AFF3: variants seen among roughly 807,000 people sequenced by gnomAD.
AFF3 encodes AF4/FMR2 family member 3.
Under a neutral mutation model 129.7 loss-of-function variants are expected in AFF3, and 32 were observed. That is an observed-to-expected ratio of 0.25 (90% confidence interval 0.19 to 0.33). AFF3 has a LOEUF of 0.33. Among genes scored for constraint, AFF3 ranks in the 10% least tolerant of loss-of-function variants. The probability of loss-of-function intolerance (pLI) is 1.00; values close to 1 mark genes in which losing one functional copy is unlikely to be tolerated. For synonymous variants in AFF3, 644 were observed against 635.4 expected, an observed-to-expected ratio of 1.01 and a Z score of -0.20; for missense variants, 1,373 against 1,592.0, an observed-to-expected ratio of 0.86 and a Z score of 2.34.
chr2:99,633,386 G>A (rs1044364702), intron 13 of AFF3, among the ~76,000 whole-genome samples: 3 of 152,160 alleles, frequency 2.0e-5, no homozygotes, highest in African/African-American at 7.2e-5. Context: ...GCCTGCTGGG[G>A]GATAGGGTGT....
intron 7 of AFF3, among the ~76,000 whole-genome samples, chr2:99,934,713 C>G (rs900624298): frequency 6.6e-6 from 1 of 152,228 alleles, no homozygotes; most frequent in African/African-American, 2.4e-5. Context: ...TGCTCAGCCC[C>G]TCACTCACAA....
intron 4 of AFF3, among the ~76,000 whole-genome samples, chr2:100,035,557 G>A (rs1302879718): frequency 6.6e-6 from 1 of 152,198 alleles, no homozygotes; most frequent in Non-Finnish European, 1.5e-5. Context: ...ACAAAGTATG[G>A]TGTAGCAGAA....
At chr2:99,591,943 G>C (rs1166677150) in intron 15 of AFF3, among the ~76,000 whole-genome samples, 2 of 152,182 alleles carry the variant, frequency 1.3e-5, no homozygotes, top group East Asian at 3.9e-4. Context: ...CATGTATAAA[G>C]TGCCTAGAGC....
intron 2 of AFF3, chr2:100,109,906 C>G (rs1691456717): frequency 6.6e-6 from 1 of 152,130 alleles, no homozygotes; most frequent in African/African-American, 2.4e-5. Flanking sequence ...CCTTAATTAT[C>G]TATAGCATTG....
intron 4 of AFF3, among the ~76,000 whole-genome samples, chr2:100,024,722 A>C (rs536369087): frequency 2.3e-4 from 35 of 152,252 alleles, no homozygotes; most frequent in African/African-American, 8.2e-4. Context: ...ACAATAGAAG[A>C]CTGTAGACAT....
At chr2:99,822,968 G>T (rs1687802743) in intron 8 of AFF3, among the ~76,000 whole-genome samples, 2 of 152,094 alleles carry the variant, frequency 1.3e-5, no homozygotes, top group South Asian at 2.1e-4. Context: ...TCACTGTCTG[G>T]ACAGAACCTG....
At chr2:99,988,953 T>C (rs1314012784) in intron 7 of AFF3, among the ~76,000 whole-genome samples, 1 of 152,184 alleles carries the variant, frequency 6.6e-6, no homozygotes, top group Non-Finnish European at 1.5e-5. Flanking sequence ...CAGGTGGTGA[T>C]TAAATGCAGA....
chr2:99,916,460 A>G (rs1194730316), intron 7 of AFF3, among the ~76,000 whole-genome samples: 2 of 152,146 alleles, frequency 1.3e-5, no homozygotes, highest in African/African-American at 2.4e-5. Context: ...GCAACACCTA[A>G]AACAGGACTT....
At chr2:99,651,961 G>C (rs904220626) in intron 12 of AFF3, among the ~76,000 whole-genome samples, 1 of 152,146 alleles carries the variant, frequency 6.6e-6, no homozygotes, top group East Asian at 1.9e-4. Context: ...TCCTTCCTAA[G>C]GTAGGAGCTG....
chr2:100,129,751 G>C (rs901456621), intron 1 of AFF3, among the ~76,000 whole-genome samples: 4 of 152,180 alleles, frequency 2.6e-5, no homozygotes, highest in African/African-American at 9.7e-5. Flanking sequence ...ATTGGATACA[G>C]CTTCAATAAA....
At chr2:99,884,209 A>G (rs1441725897) in intron 7 of AFF3, among the ~76,000 whole-genome samples, 1 of 152,250 alleles carries the variant, frequency 6.6e-6, no homozygotes, top group Non-Finnish European at 1.5e-5. Context: ...GATAAAAAGT[A>G]TACGTATTTA....
At position 100,059,882 on chromosome 2, in the gene AFF3, T is replaced by A. The variant is rs116848230; in HGVS notation, c.53+44520A>T. ...GAGGACAATGAAAATGTATCTGGCA[T>A]GAAACACAGCAGGATCCAAAGAACA... On this transcript the variant is annotated intron_variant, in intron 4 of 24. Transcript: ENST00000672756. 2.8e-4 allele frequency among the ~76,000 whole-genome samples: 42 copies of A among 152,312 alleles called. 1 individual carries two copies. In the East Asian group the frequency reaches 8.1e-3, roughly 29 times the overall value.
At chr2:99,663,028 T>C (rs1045032487) in intron 12 of AFF3, among the ~76,000 whole-genome samples, 1 of 152,194 alleles carries the variant, frequency 6.6e-6, no homozygotes, top group African/African-American at 2.4e-5. Context: ...ACTAAGGAAG[T>C]AGAGTTGGGC....
At chr2:99,563,901 C>A (rs1203235269) in intron 20 of AFF3, among the ~76,000 whole-genome samples, 1 of 150,810 alleles carries the variant, frequency 6.6e-6, no homozygotes, top group Non-Finnish European at 1.5e-5. Flanking sequence ...GTGATTCTAT[C>A]GATTCTGAAG....
chr2:99,658,598 T>C (rs1327101005), intron 12 of AFF3, among the ~76,000 whole-genome samples: 6 of 152,196 alleles, frequency 3.9e-5, no homozygotes, highest in African/African-American at 1.2e-4. Flanking sequence ...TTTATTTATA[T>C]TCATAGAAAA....
chr2:99,991,351 C>T lies in AFF3; in HGVS notation c.873+15281G>A, dbSNP rs556514401. Among the ~76,000 whole-genome samples, 3 of 150,454 alleles carry T rather than the reference C, an allele frequency of 2.0e-5. No homozygotes were observed. In the South Asian group the frequency reaches 6.3e-4, roughly 31 times the overall value. ...CTTAGCACTGCAGGAAACTCAGAAA[C>T]TCTCTTGTAATCTGCGCAGAAGGTC... On this transcript the variant is annotated intron_variant, in intron 7 of 24. Transcript: ENST00000672756.
intron 8 of AFF3, among the ~76,000 whole-genome samples, chr2:99,811,206 T>C (rs1686762171): frequency 1.3e-5 from 2 of 152,190 alleles, no homozygotes; most frequent in Non-Finnish European, 2.9e-5. Flanking sequence ...CTCAGGACCT[T>C]ATGTAAGATC....
At chr2:99,733,850 A>G (rs1680036838) in intron 10 of AFF3, among the ~76,000 whole-genome samples, 3 of 152,180 alleles carry the variant, frequency 2.0e-5, no homozygotes, top group Admixed American at 6.5e-5. Context: ...TATATTTAAA[A>G]ATATTCGTAA....
intron 7 of AFF3, among the ~76,000 whole-genome samples, chr2:99,858,378 T>C (rs1449135689): frequency 2.1e-5 from 3 of 140,428 alleles, no homozygotes; most frequent in Admixed American, 1.5e-4. Context: ...AAACCCTGTT[T>C]CTACAAAAAA....
Sources: allele counts gnomAD v4.1 joint callset (sites outside exome capture counted in the v4.1 genomes callset), GRCh38; gene constraint gnomAD v4.1.1; transcripts MANE v1.5; gene names NCBI Gene and HGNC (gene_info 2026-07-23, HGNC 2026-07-21).